The following LPAR5 variants were observed in gnomAD, a reference collection of about 807,000 sequenced individuals.
LPAR5 encodes the protein G protein-coupled receptor 92.
For synonymous variants in LPAR5, 271 were observed against 261.6 expected, an observed-to-expected ratio of 1.04 and a Z score of -0.35; for missense variants, 544 against 521.8, an observed-to-expected ratio of 1.04 and a Z score of -0.41.
At chr12:6,635,086 CA>C (rs11438544) in intron 1 of LPAR5, among the ~76,000 whole-genome samples, 179 of 118,684 alleles carry the variant, frequency 1.5e-3, no homozygotes, top group Middle Eastern at 4.3e-3. Flanking sequence ...GACTCTGTCT[CA>C]AAAAAAAAAA....
At chr12:6,626,929 T>A (rs911770092) in intron 1 of LPAR5, among the ~76,000 whole-genome samples, 1 of 152,234 alleles carries the variant, frequency 6.6e-6, no homozygotes. Flanking sequence ...TGTGAACTCT[T>A]AGAGGGAGGG....
intron 1 of LPAR5, among the ~76,000 whole-genome samples, chr12:6,623,280 T>TA (rs1255918044): frequency 4.0e-5 from 6 of 150,218 alleles, no homozygotes; most frequent in Non-Finnish European, 8.8e-5. Context: ...ATGCCTGTGA[T>TA]CTCAGCACTT....
intron 1 of LPAR5, among the ~76,000 whole-genome samples, chr12:6,625,489 A>G (rs112433293): frequency 0.015 from 2,189 of 150,910 alleles, 47 homozygotes; most frequent in African/African-American, 0.049. Context: ...TAGGAGGCCA[A>G]GGCGGGCGGA....
At chr12:6,629,777 A>G (rs1311616896) in intron 1 of LPAR5, among the ~76,000 whole-genome samples, 1 of 151,936 alleles carries the variant, frequency 6.6e-6, no homozygotes, top group Non-Finnish European at 1.5e-5. Context: ...TAATCCCAGC[A>G]CTTTGGGAGG....
rs771597008 is a variant in LPAR5 at position 6,620,930 on chromosome 12, C to G, written c.319G>C (p.Gly107Arg). Reference sequence around the variant, plus strand: ...ATGAGCATCAGGAAGATGCAGCTGCCGTACATGTTCATCTGGAAGATGGCG... The same window carrying G: ...ATGAGCATCAGGAAGATGCAGCTGCGGTACATGTTCATCTGGAAGATGGCG... The part of the protein sequence containing the change: ...TGAIFQMNMY[G>R]SCIFLMLINV... Residue 107 changes from glycine (G) to arginine (R), a missense_variant, in exon 2 of 2, where the codon GGC (glycine) becomes CGC (arginine). Physicochemically the swap from Gly to Arg is moderately radical, Grantham distance 125 (BLOSUM62 -2). Transcript: ENST00000329858. The surrounding 1 kb of genome is among the most constrained non-coding windows in gnomAD (Gnocchi z 6.8). The G allele has an allele frequency of 6.2e-6, 10 of 1,607,632 alleles. No homozygotes were observed. Among genetic ancestry groups the G allele is most frequent in the East Asian group, 2.2e-5 (1 of 44,522 alleles).
rs1265991958 is a variant in LPAR5 at position 6,620,228 on chromosome 12, C to T, written c.1021G>A (p.Ala341Thr). 5 of 1,611,966 alleles carry T rather than the reference C, an allele frequency of 3.1e-6. No homozygotes were observed. Among genetic ancestry groups the T allele is most frequent in the African/African-American group, 1.3e-5 (1 of 75,024 alleles). ...QSERSAVTTD[A>T]TRPDAASQGL... ...TGACTGGCGGCATCCGGCCTGGTGG[C>T]GTCGGTGGTGACGGCGGACCTTTCG... The change falls in exon 2 of 2, where the codon GCC becomes ACC. Residue 341 changes from alanine to threonine, a missense_variant. Ala to Thr is a moderately conservative substitution (Grantham distance 58, BLOSUM62 0). Transcript: ENST00000329858. The surrounding 1 kb of genome is among the most constrained non-coding windows in gnomAD (Gnocchi z 6.8).
chr12:6,635,574 G>A (rs1318677793), intron 1 of LPAR5, among the ~76,000 whole-genome samples: 1 of 152,070 alleles, frequency 6.6e-6, no homozygotes, highest in Non-Finnish European at 1.5e-5. Context: ...TCCCCAGAGG[G>A]CCCTCCCTGG....
rs767795581 is a variant in LPAR5 at position 6,621,438 on chromosome 12, G to A, written c.-190C>T. On this transcript the variant is annotated 5_prime_UTR_variant, in exon 2 of 2. Coordinates refer to ENST00000329858, the MANE Select transcript of LPAR5 (RefSeq NM_020400.6). Reference sequence around the variant, plus strand: ...TGGCTGCCAAGGGTTGGGTGCGTTTGGTCACAGCTTCATCAGCAGCAGAGA... The same window carrying A: ...TGGCTGCCAAGGGTTGGGTGCGTTTAGTCACAGCTTCATCAGCAGCAGAGA... 9 of 480,196 alleles carry A rather than the reference G, an allele frequency of 1.9e-5. No individual in the cohort carries two copies. The highest frequency in any genetic ancestry group is 3.2e-5 in the Non-Finnish European group (9 of 282,420). 29.7% of individuals were successfully genotyped at this position (480,196 alleles called of 1,614,324 possible).
chr12:6,621,814 C>T (rs1252709075), intron 1 of LPAR5, among the ~76,000 whole-genome samples: 1 of 151,778 alleles, frequency 6.6e-6, no homozygotes, highest in African/African-American at 2.4e-5. Flanking sequence ...CTGGGCAACA[C>T]GGCGAAACCC....
intron 1 of LPAR5, among the ~76,000 whole-genome samples, chr12:6,624,565 A>C (rs1308423425): frequency 6.6e-6 from 1 of 152,188 alleles, no homozygotes; most frequent in Admixed American, 6.6e-5. Flanking sequence ...CACTTAGCAT[A>C]ATGTTTCCAA....
rs1219295321 is a variant in LPAR5 at position 6,619,995 on chromosome 12, C to G, written c.*135G>C. The G allele has an allele frequency of 1.5e-5, 18 of 1,225,504 alleles. No homozygotes were observed. The highest frequency in any genetic ancestry group is 1.9e-4 in the Middle Eastern group (1 of 5,402). 75.9% of individuals were successfully genotyped at this position (1,225,504 alleles called of 1,614,324 possible). On this transcript the variant is annotated 3_prime_UTR_variant, in exon 2 of 2. Coordinates refer to ENST00000329858, the MANE Select transcript of LPAR5 (RefSeq NM_020400.6). Reference sequence around the variant, plus strand: ...GGCCCTGGCTTCCACACTTTGTACTCTTCTGCGTTGCTAAGCTGGAATTGC... The same window carrying G: ...GGCCCTGGCTTCCACACTTTGTACTGTTCTGCGTTGCTAAGCTGGAATTGC...
chr12:6,626,579 T>C (rs971622604), intron 1 of LPAR5, among the ~76,000 whole-genome samples: 1 of 152,216 alleles, frequency 6.6e-6, no homozygotes, highest in Non-Finnish European at 1.5e-5. Context: ...TTAAACATGC[T>C]GAAAAGCAAG....
chr12:6,620,607 G>A lies in LPAR5; in HGVS notation c.642C>T (p.Val214=). 1.3e-6 allele frequency: 2 copies of A among 1,551,328 alleles called. No homozygotes were observed. Among genetic ancestry groups the A allele is most frequent in the Non-Finnish European group, 8.7e-7 (1 of 1,148,144 alleles). The part of the protein sequence containing the change: ...LAAVVYSSGR[V]FWTLARPDAT... ...CGTCGGGGCGCGCCAGCGTCCAGAAGACTCGGCCCGACGAGTAGACCACCG... is the reference window on the plus strand; with the variant it reads ...CGTCGGGGCGCGCCAGCGTCCAGAAAACTCGGCCCGACGAGTAGACCACCG... Residue 214 remains valine, a synonymous_variant, in exon 2 of 2, where the codon GTC becomes GTT. Coordinates refer to ENST00000329858, the MANE Select transcript of LPAR5 (RefSeq NM_020400.6). The surrounding 1 kb of genome is among the most constrained non-coding windows in gnomAD (Gnocchi z 6.8).
Position 6,621,002 on chromosome 12 carries a change from C to G in LPAR5, c.247G>C (p.Ala83Pro). ...LSLPVRLSYYALHHWPFPDLL... is the reference protein window; with the variant it reads ...LSLPVRLSYYPLHHWPFPDLL... ...TCGGGGAAGGGCCAGTGGTGCAGTG[C>G]GTAGTAGGAGAGACGAACGGGCAGC... The change falls in exon 2 of 2, where the codon GCA (alanine) becomes CCA (proline). Residue 83 changes from alanine (A) to proline (P), a missense_variant. By Grantham distance (27) the Ala-to-Pro change is conservative (BLOSUM62 -1). Coordinates refer to ENST00000329858, the MANE Select transcript of LPAR5 (RefSeq NM_020400.6). The G allele has an allele frequency of 1.2e-6, 2 of 1,613,316 alleles. No individual in the cohort carries two copies. Among genetic ancestry groups the G allele is most frequent in the Non-Finnish European group, 1.7e-6 (2 of 1,179,702 alleles).
chr12:6,630,741 C>T lies in LPAR5; in HGVS notation c.-217+5166G>A, dbSNP rs7137095. Among the ~76,000 whole-genome samples, 6 of 151,600 alleles carry T rather than the reference C, an allele frequency of 4.0e-5. No homozygotes were observed. The South Asian group carries it at 1.0e-3, about 26-fold the overall frequency. On this transcript the variant is annotated intron_variant, in intron 1 of 1. Transcript: ENST00000329858. ...TGCTGAGATTATAGGCATGAGCCAC[C>T]GCACCTGGCCCCAGCCCATCTTTAT...
At chr12:6,635,514 G>A (rs1011109383) in intron 1 of LPAR5, among the ~76,000 whole-genome samples, 1 of 152,142 alleles carries the variant, frequency 6.6e-6, no homozygotes. Flanking sequence ...TGGGGGATGT[G>A]TGGTGTAGGG....
intron 1 of LPAR5, among the ~76,000 whole-genome samples, chr12:6,629,130 C>T (rs1324884521): frequency 1.4e-5 from 2 of 147,842 alleles, no homozygotes; most frequent in Non-Finnish European, 1.5e-5. Context: ...AATCCCAGCA[C>T]TTTGGGAGGC....
chr12:6,621,441 C>T lies in LPAR5; in HGVS notation c.-193G>A. The T allele has an allele frequency of 2.1e-6, 1 of 472,202 alleles. No individual in the cohort carries two copies. Among genetic ancestry groups the T allele is most frequent in the East Asian group, 3.6e-5 (1 of 28,138 alleles). 29.3% of individuals were successfully genotyped at this position (472,202 alleles called of 1,614,324 possible). ...CTGCCAAGGGTTGGGTGCGTTTGGT[C>T]ACAGCTTCATCAGCAGCAGAGACCT... On this transcript the variant is annotated 5_prime_UTR_variant, in exon 2 of 2. The change abolishes the stop of an existing upstream ORF in the 5' untranslated region. Transcript: ENST00000329858.
At chr12:6,634,865 G>A (rs1401223416) in intron 1 of LPAR5, among the ~76,000 whole-genome samples, 1 of 151,060 alleles carries the variant, frequency 6.6e-6, no homozygotes, top group African/African-American at 2.4e-5. Flanking sequence ...CGAGGCAGGT[G>A]GATCATGAGG....
Sources: gnomAD v4.1 joint callset for allele counts (sites outside exome capture counted in the v4.1 genomes callset) on GRCh38, gnomAD v4.1.1 for gene constraint, Gnocchi (gnomAD v3.1) non-coding constraint, MANE v1.5 for transcripts, NCBI Gene and HGNC (gene_info 2026-07-23, HGNC 2026-07-21) for gene names.